FAM78A: variants seen among roughly 807,000 people sequenced by gnomAD.
FAM78A encodes the protein protein FAM78A.
In FAM78A, 12 loss-of-function variants were observed where a neutral mutation model predicts 22.6. That is an observed-to-expected ratio of 0.53 (90% CI 0.34 to 0.86). The LOEUF (loss-of-function observed/expected upper bound fraction) is 0.86. FAM78A is among the 40% of genes least tolerant of loss of function. The probability of loss-of-function intolerance (pLI) is 0.02; values close to 1 mark genes in which losing one functional copy is unlikely to be tolerated. For synonymous variants in FAM78A, 151 were observed against 155.8 expected (o/e 0.97, Z 0.23); for missense variants, 322 against 396.1 (o/e 0.81, Z 1.59).
At chr9:131,279,788 G>C (rs1196971163), upstream of FAM78A, among the ~76,000 whole-genome samples, 1 of 152,164 alleles carries the variant, frequency 6.6e-6, no homozygotes, top group Non-Finnish European at 1.5e-5. Context: ...TTCTATCCTT[G>C]ACCTTAGCCC....
Position 131,260,377 on chromosome 9 carries a change from G to A in FAM78A, c.*445C>T, listed in dbSNP as rs1835246546. On this transcript the variant is annotated 3_prime_UTR_variant, in exon 2 of 2. Transcript: ENST00000372271. The surrounding 1 kb of genome is among the most constrained non-coding windows in gnomAD (Gnocchi z 5.4). Reference sequence around the variant, plus strand: ...GACAGAGGGCGGAGGGACCTGGGGGGAAGGCCGGCCAGCGCCACAAATCGG... The same window carrying A: ...GACAGAGGGCGGAGGGACCTGGGGGAAAGGCCGGCCAGCGCCACAAATCGG... The A allele has an allele frequency of 1.2e-5, 2 of 161,916 alleles. No homozygotes were observed. Among genetic ancestry groups the A allele is most frequent in the Non-Finnish European group, 2.7e-5 (2 of 74,730 alleles). 10.0% of individuals were successfully genotyped at this position (161,916 alleles called of 1,614,324 possible).
chr9:131,264,453 C>T (rs934114787), intron 1 of FAM78A: 3 of 636,504 alleles, frequency 4.7e-6, no homozygotes, highest in African/African-American at 1.8e-5. Context: ...GGTCCACTGT[C>T]AGCCCCAGCT....
At position 131,261,441 on chromosome 9, in the gene FAM78A, G is replaced by A; in HGVS notation, c.324-91C>T. The A allele has an allele frequency of 3.0e-6, 4 of 1,325,386 alleles. No individual in the cohort carries two copies. The highest frequency in any genetic ancestry group is 1.5e-5 in the South Asian group (1 of 65,832). 82.1% of individuals were successfully genotyped at this position (1,325,386 alleles called of 1,614,324 possible). ...CAGGCCAGGGGCTGTCCTGGGCCCT[G>A]AGGATGGAACGGACCCAGCAGACCA... On this transcript the variant is annotated intron_variant, in intron 1 of 1. Coordinates refer to ENST00000372271, the MANE Select transcript of FAM78A (RefSeq NM_033387.4). This position sits in a 1 kb window ranked among gnomAD's most constrained non-coding sequence, Gnocchi z 7.1.
chr9:131,277,418 G>A (rs1046432792), upstream of FAM78A, among the ~76,000 whole-genome samples: 1 of 151,912 alleles, frequency 6.6e-6, no homozygotes, highest in Non-Finnish European at 1.5e-5. This position sits in a 1 kb window ranked among gnomAD's most constrained non-coding sequence, Gnocchi z 8.4. Context: ...CCCCCGCTCC[G>A]CCGCGTCAAG....
intron 1 of FAM78A, among the ~76,000 whole-genome samples, chr9:131,269,344 G>A (rs2131182474): frequency 6.6e-6 from 1 of 152,288 alleles, no homozygotes; most frequent in South Asian, 2.1e-4. Context: ...TTCCCCACTT[G>A]TCTTCATCGC....
chr9:131,269,591 C>T (rs554526451), intron 1 of FAM78A, among the ~76,000 whole-genome samples: 3 of 152,198 alleles, frequency 2.0e-5, no homozygotes, highest in East Asian at 1.9e-4. Flanking sequence ...ATTCTTGCAC[C>T]TCAGCCTTCT....
At chr9:131,266,501 A>G in intron 1 of FAM78A, among the ~76,000 whole-genome samples, 1 of 136,088 alleles carries the variant, frequency 7.3e-6, no homozygotes, top group Non-Finnish European at 1.6e-5. Flanking sequence ...CTCCTCCTCC[A>G]CTCCTCTTTC....
At chr9:131,280,200 C>T (rs560935768), upstream of FAM78A, among the ~76,000 whole-genome samples, 1 of 152,276 alleles carries the variant, frequency 6.6e-6, no homozygotes, top group African/African-American at 2.4e-5. Flanking sequence ...TGAATGGGCT[C>T]GGCTCCTGCA....
rs1835223471 is a variant in FAM78A at position 131,258,921 on chromosome 9, GTCCC to G, written c.*1897_*1900del. On this transcript the variant is annotated 3_prime_UTR_variant, in exon 2 of 2. Coordinates refer to ENST00000372271, the MANE Select transcript of FAM78A (RefSeq NM_033387.4). ...CCAGCCGGCAGCTCCAGCCCAGTGT[GTCCC>G]AGGACAGCCTCCTGGCACGAGCTGG... 1 of 152,500 alleles carries G rather than the reference GTCCC, an allele frequency of 6.6e-6. No individual in the cohort carries two copies. Among genetic ancestry groups the G allele is most frequent in the Non-Finnish European group, 1.5e-5 (1 of 68,044 alleles). The allele number at this position is 152,500 out of a possible 1,614,324, so 9.4% of individuals were successfully genotyped here.
chr9:131,265,882 G>T lies in FAM78A; in HGVS notation c.324-4532C>A, dbSNP rs1301411198. Among the ~76,000 whole-genome samples the T allele has an allele frequency of 6.6e-6, 1 of 152,212 alleles. No individual in the cohort carries two copies. The highest frequency in any genetic ancestry group is 2.4e-5 in the African/African-American group (1 of 41,456). On this transcript the variant is annotated intron_variant, in intron 1 of 1. Transcript: ENST00000372271. This position sits in a 1 kb window ranked among gnomAD's most constrained non-coding sequence, Gnocchi z 4.3. Reference sequence around the variant, plus strand: ...AGGGACCCCAAAGGACAGCAGGCAAGTCCAGGCTGGAACCCAGGCGTCAGA... The same window carrying T: ...AGGGACCCCAAAGGACAGCAGGCAATTCCAGGCTGGAACCCAGGCGTCAGA...
intron 1 of FAM78A, among the ~76,000 whole-genome samples, chr9:131,268,850 G>C (rs181354657): frequency 1.3e-5 from 2 of 148,868 alleles, no homozygotes; most frequent in Non-Finnish European, 3.0e-5. Context: ...CCGAGATGGC[G>C]CCCCTGCACT....
rs1156409553 is a variant in FAM78A, at chr9:131,275,247, T to A, written c.323+610A>T. ...GACTTGTCTGCATAAAGCGGTCTTCTGCCTTGGAGACAGAAAGCGATACAC... is the reference window on the plus strand; with the variant it reads ...GACTTGTCTGCATAAAGCGGTCTTCAGCCTTGGAGACAGAAAGCGATACAC... On this transcript the variant is annotated intron_variant, in intron 1 of 1. Transcript: ENST00000372271. This position sits in a 1 kb window ranked among gnomAD's most constrained non-coding sequence, Gnocchi z 4.6. Among the ~76,000 whole-genome samples, 2 of 152,224 alleles carry A rather than the reference T, an allele frequency of 1.3e-5. No homozygotes were observed. The highest frequency in any genetic ancestry group is 2.9e-5 in the Non-Finnish European group (2 of 68,028).
upstream of FAM78A, among the ~76,000 whole-genome samples, chr9:131,279,638 C>T (rs1159600969): frequency 6.6e-6 from 1 of 152,198 alleles, no homozygotes; most frequent in African/African-American, 2.4e-5. Context: ...AGTGAAGCTG[C>T]TGGAGGTGAT....
rs548824827 is a variant in FAM78A, at chr9:131,261,160, C to A, written c.514G>T (p.Val172Phe). ...FYPSVTWAVP[V>F]SESNVAKLTN... ...AGCTTGGCCACGTTGCTCTCGCTGA[C>A]GGGCACGGCCCATGTGACGCTGGGG... The change falls in exon 2 of 2, where the codon GTC becomes TTC. Residue 172 changes from valine (V) to phenylalanine (F), a missense_variant. Transcript: ENST00000372271. This position sits in a 1 kb window ranked among gnomAD's most constrained non-coding sequence, Gnocchi z 7.1. The A allele has an allele frequency of 6.2e-7, 1 of 1,614,040 alleles. No individual in the cohort carries two copies. The highest frequency in any genetic ancestry group is 2.2e-5 in the East Asian group (1 of 44,860).
Position 131,276,124 on chromosome 9 carries a change from T to C in FAM78A, c.56A>G (p.Tyr19Cys), listed in dbSNP as rs1156534949. Residue 19 changes from tyrosine to cysteine, a missense_variant, in exon 1 of 2, where the codon TAT becomes TGT. By Grantham distance (194) the Tyr-to-Cys change is radical. Transcript: ENST00000372271. The surrounding 1 kb of genome is among the most constrained non-coding windows in gnomAD (Gnocchi z 4.3). ...GATGCTCTGAATACAGCCCATGGCA[T>C]ACAGGAGCGCTCTGATCTCCAGGGA... ...WPSLEIRALLYAMGCIQSIGG... is the reference protein window; with the variant it reads ...WPSLEIRALLCAMGCIQSIGG... 1 of 1,613,636 alleles carries C rather than the reference T, an allele frequency of 6.2e-7. No individual in the cohort carries two copies. Among genetic ancestry groups the C allele is most frequent in the Non-Finnish European group, 8.5e-7 (1 of 1,180,012 alleles).
Position 131,272,423 on chromosome 9 carries a change from A to T in FAM78A, c.323+3434T>A, listed in dbSNP as rs559012696. ...TCCTGGCATGGAGTGGGTAGAGGCC[A>T]GGGATGCTGCCCAGCCCCCTACCAT... is the stretch of plus-strand genomic sequence containing the variant. On this transcript the variant is annotated intron_variant, in intron 1 of 1. Transcript: ENST00000372271. The surrounding 1 kb of genome is among the most constrained non-coding windows in gnomAD (Gnocchi z 4.1). Among the ~76,000 whole-genome samples the T allele has an allele frequency of 2.6e-5, 4 of 152,332 alleles. No individual in the cohort carries two copies. In the South Asian group the frequency reaches 8.3e-4, roughly 32 times the overall value.
At chr9:131,271,692 C>A (rs1835423614) in intron 1 of FAM78A, among the ~76,000 whole-genome samples, 1 of 152,390 alleles carries the variant, frequency 6.6e-6, no homozygotes, top group South Asian at 2.1e-4. Flanking sequence ...TGCCCCTGAC[C>A]TTGGCCTTGG....
upstream of FAM78A, among the ~76,000 whole-genome samples, chr9:131,279,388 G>C (rs137932464): frequency 6.6e-6 from 1 of 152,324 alleles, no homozygotes; most frequent in Non-Finnish European, 1.5e-5. Flanking sequence ...TGCACCTCTT[G>C]TGCCATCAGA....
rs148217248 is a variant in FAM78A at position 131,272,370 on chromosome 9, T to C, written c.323+3487A>G. Among the ~76,000 whole-genome samples, 168 of 152,320 alleles carry C rather than the reference T, an allele frequency of 1.1e-3. No individual in the cohort carries two copies. The highest frequency in any genetic ancestry group is 3.7e-3 in the African/African-American group (152 of 41,568). On this transcript the variant is annotated intron_variant, in intron 1 of 1. Transcript: ENST00000372271. This position sits in a 1 kb window ranked among gnomAD's most constrained non-coding sequence, Gnocchi z 4.1. ...CATCAGGCCCTCCCTGGGGACATTA[T>C]TGACTGTCACAGCTTGCGGGGATGT...
Sources: gnomAD v4.1 joint callset for allele counts (sites outside exome capture counted in the v4.1 genomes callset) on GRCh38, gnomAD v4.1.1 for gene constraint, Gnocchi (gnomAD v3.1) non-coding constraint, MANE v1.5 for transcripts, NCBI Gene and HGNC (gene_info 2026-07-23, HGNC 2026-07-21) for gene names.